Variants in COL27A1 observed in about 807,000 individuals in gnomAD.
COL27A1 encodes the protein collagen alpha-1(XXVII) chain.
In COL27A1, 106 loss-of-function variants were observed where a neutral mutation model predicts 251.3. The observed-to-expected ratio is 0.42, with a 90% confidence interval of 0.36 to 0.50. The LOEUF (loss-of-function observed/expected upper bound fraction) is 0.50, where lower values mean the gene tolerates loss of function less well. Among genes scored for constraint, COL27A1 ranks in the 20% least tolerant of loss-of-function variants. The probability of loss-of-function intolerance (pLI) is 0.00; values close to 1 mark genes in which losing one functional copy is unlikely to be tolerated. For synonymous variants in COL27A1, 1,000 were observed against 986.3 expected (o/e 1.01, Z -0.26); for missense variants, 2,325 against 2,522.8 (o/e 0.92, Z 1.68).
chr9:114,186,244 A>G (rs1472673055), intron 5 of COL27A1, among the ~76,000 whole-genome samples: 1 of 152,240 alleles, frequency 6.6e-6, no homozygotes, highest in Non-Finnish European at 1.5e-5. Context: ...TCCAGCACAG[A>G]GTTGGATCCA....
intron 13 of COL27A1, among the ~76,000 whole-genome samples, chr9:114,220,555 C>T (rs975527151): frequency 6.6e-6 from 1 of 152,194 alleles, no homozygotes; most frequent in Non-Finnish European, 1.5e-5. Flanking sequence ...CAGCCAGGCT[C>T]CCTTGGGGAT....
chr9:114,285,040 C>T (rs993777253), intron 41 of COL27A1, among the ~76,000 whole-genome samples: 3 of 152,232 alleles, frequency 2.0e-5, no homozygotes, highest in African/African-American at 7.2e-5. Flanking sequence ...CCTCACGGGG[C>T]TTATAGTCAA....
chr9:114,165,479 A>T (rs1222279865), intron 2 of COL27A1, among the ~76,000 whole-genome samples: 1 of 145,934 alleles, frequency 6.9e-6, no homozygotes, highest in Non-Finnish European at 1.5e-5. Context: ...TCTATCTACC[A>T]ATTCATCTAC....
intron 14 of COL27A1, among the ~76,000 whole-genome samples, chr9:114,229,276 T>C (rs893833241): frequency 6.6e-6 from 1 of 152,122 alleles, no homozygotes; most frequent in Non-Finnish European, 1.5e-5. Flanking sequence ...TGTTCTGGGG[T>C]TGGGAGAGTG....
At chr9:114,300,342 C>G in intron 50 of COL27A1, 1 of 597,264 alleles carries the variant, frequency 1.7e-6, no homozygotes, top group East Asian at 2.8e-5. Context: ...GTCACTTAGT[C>G]TCTCTAAGCC....
At chr9:114,291,344 T>C (rs1827901967) in intron 48 of COL27A1, among the ~76,000 whole-genome samples, 1 of 152,156 alleles carries the variant, frequency 6.6e-6, no homozygotes, top group South Asian at 2.1e-4. Flanking sequence ...TCAGATGTGG[T>C]TCTTGCCCTC....
At chr9:114,173,174 C>T (rs1271672723) in intron 3 of COL27A1, among the ~76,000 whole-genome samples, 1 of 150,134 alleles carries the variant, frequency 6.7e-6, no homozygotes, top group African/African-American at 2.5e-5. Context: ...CCGTGGTTCA[C>T]AGCCCTGCAC....
chr9:114,169,246 G>A lies in COL27A1; in HGVS notation c.1691G>A (p.Arg564Lys). 1 of 1,613,712 alleles carries A rather than the reference G, an allele frequency of 6.2e-7. No individual in the cohort carries two copies. The highest frequency in any genetic ancestry group is 8.5e-7 in the Non-Finnish European group (1 of 1,179,856). The change falls in exon 3 of 61, where the codon AGG (arginine) becomes AAG (lysine). Residue 564 changes from arginine (R) to lysine (K), a missense_variant. Arg to Lys is a conservative substitution (Grantham distance 26). Around this residue, in one of 4 missense-constraint regions of COL27A1, gnomAD observed 1,183 missense variants for 1,144.1 expected, o/e 1.03. Coordinates refer to ENST00000356083, the MANE Select transcript of COL27A1 (RefSeq NM_032888.4). ...CCCCTCAGACCTGGGAAGGCAGCCAGGGATGTCCCCTTGAGCGATCTGACA... is the reference window on the plus strand; with the variant it reads ...CCCCTCAGACCTGGGAAGGCAGCCAAGGATGTCCCCTTGAGCGATCTGACA... ...PVPLRPGKAA[R>K]DVPLSDLTTR...
chr9:114,206,921 G>A (rs1219825122), intron 10 of COL27A1, among the ~76,000 whole-genome samples: 2 of 152,254 alleles, frequency 1.3e-5, no homozygotes, highest in Non-Finnish European at 2.9e-5. Context: ...CATGTGGGTT[G>A]TGGGAAGACA....
intron 12 of COL27A1, 139 bp downstream of exon 12, chr9:114,211,165 C>A: frequency 1.1e-6 from 1 of 896,370 alleles, no homozygotes. Flanking sequence ...GTGGGGTTGT[C>A]TGGCCACAGG....
intron 2 of COL27A1, among the ~76,000 whole-genome samples, chr9:114,164,882 G>T (rs542096636): frequency 1.3e-5 from 2 of 152,254 alleles, no homozygotes; most frequent in African/African-American, 4.8e-5. Flanking sequence ...AAGCCCCTTG[G>T]GTCCTAAGGA....
At chr9:114,158,049 G>A (rs1848239400) in intron 1 of COL27A1, among the ~76,000 whole-genome samples, 1 of 152,192 alleles carries the variant, frequency 6.6e-6, no homozygotes, top group Admixed American at 6.5e-5. Flanking sequence ...GTGTTCCCAT[G>A]GAGGACGTGG....
At chr9:114,227,436 G>T (rs1831556836) in intron 14 of COL27A1, among the ~76,000 whole-genome samples, 1 of 148,882 alleles carries the variant, frequency 6.7e-6, no homozygotes, top group African/African-American at 2.5e-5. Flanking sequence ...CCTGTTTATT[G>T]CTCGATCTCA....
chr9:114,282,668 A>C (rs1359307521), intron 39 of COL27A1, 104 bp downstream of exon 39: 2 of 699,056 alleles, frequency 2.9e-6, no homozygotes, highest in African/African-American at 3.6e-5. Flanking sequence ...CACCCACCCC[A>C]GCTATTAGCT....
Position 114,206,695 on chromosome 9 carries a change from G to T in COL27A1, c.2268+399G>T, listed in dbSNP as rs137970615. ...TGAGGGCTGGGGGGAACCACTCTTT[G>T]TGGAGGGCACCTGGTGTGGGAATGC... On this transcript the variant is annotated intron_variant, in intron 10 of 60. Transcript: ENST00000356083. Among the ~76,000 whole-genome samples, 249 of 152,330 alleles carry T rather than the reference G, an allele frequency of 1.6e-3. 1 individual carries two copies. Among genetic ancestry groups the T allele is most frequent in the African/African-American group, 5.8e-3 (240 of 41,588 alleles).
At chr9:114,257,301 G>A (rs970221671) in intron 27 of COL27A1, among the ~76,000 whole-genome samples, 23 of 151,136 alleles carry the variant, frequency 1.5e-4, no homozygotes, top group African/African-American at 5.4e-4. Flanking sequence ...CTGGCAGAGG[G>A]TCCTGGCTGG....
rs372444282 is a variant in COL27A1 at position 114,212,416 on chromosome 9, G to A, written c.2367+1390G>A. Among the ~76,000 whole-genome samples, 78 of 152,362 alleles carry A rather than the reference G, an allele frequency of 5.1e-4. 1 individual carries two copies. In the South Asian group the frequency reaches 0.012, roughly 24 times the overall value. On this transcript the variant is annotated intron_variant, in intron 12 of 60. Transcript: ENST00000356083. Reference sequence around the variant, plus strand: ...TTTTGCTTTGTTCTGGCAGAGCAGTGGATAAGACAAAGTTCCCACTCTCTT... The same window carrying A: ...TTTTGCTTTGTTCTGGCAGAGCAGTAGATAAGACAAAGTTCCCACTCTCTT...
chr9:114,252,495 C>T (rs1833608443), intron 25 of COL27A1, 98 bp from the exon 26 acceptor site: 3 of 1,001,864 alleles, frequency 3.0e-6, no homozygotes, highest in Non-Finnish European at 4.8e-6. Flanking sequence ...AAACCCCTAC[C>T]TCTCTTTGAG....
chr9:114,217,360 T>A (rs559921220), intron 12 of COL27A1, among the ~76,000 whole-genome samples: 1 of 152,244 alleles, frequency 6.6e-6, no homozygotes, highest in Non-Finnish European at 1.5e-5. Flanking sequence ...CCCTTTTGGA[T>A]GGCAAAGAGA....
Sources: gnomAD v4.1 joint callset for allele counts (sites outside exome capture counted in the v4.1 genomes callset) on GRCh38, gnomAD v4.1.1 for gene constraint, gnomAD v4.1.1 regional missense constraint, MANE v1.5 for transcripts, NCBI Gene and HGNC (gene_info 2026-07-23, HGNC 2026-07-21) for gene names.